Variants in PRMT7 observed in about 807,000 individuals in gnomAD.
PRMT7 encodes protein arginine methyltransferase 7, also known as protein arginine N-methyltransferase 7.
Under a neutral mutation model 85.4 loss-of-function variants are expected in PRMT7, and 75 were observed. The ratio of observed to expected loss-of-function variants is 0.88; its 90% CI spans 0.73 to 1.06. PRMT7 has a LOEUF of 1.06. Ranked by LOEUF, PRMT7 falls within the 50% of genes least tolerant of loss-of-function variation. PRMT7 has a pLI of 0.00. For synonymous variants in PRMT7, 397 were observed against 359.5 expected (o/e 1.10, Z -1.18); for missense variants, 868 against 915.2 (o/e 0.95, Z 0.67).
Position 68,346,248 on chromosome 16 carries a change from A to G in PRMT7, c.1159A>G (p.Arg387Gly), listed in dbSNP as rs762515973. The G allele has an allele frequency of 9.2e-5, 148 of 1,614,150 alleles. No individual in the cohort carries two copies. Among genetic ancestry groups the G allele is most frequent in the Non-Finnish European group, 1.2e-4 (146 of 1,180,058 alleles). Residue 387 changes from arginine (R) to glycine (G), a missense_variant, in exon 11 of 19, where the codon AGA becomes GGA. Physicochemically the swap from Arg to Gly is moderately radical, Grantham distance 125. Transcript: ENST00000441236. ...PRFGEINDQD[R>G]TDRYVQALRT... ...GTTTGGAGAGATCAATGACCAGGAC[A>G]GAACTGATCGATACGTCCAGGCTCT... is the stretch of plus-strand genomic sequence containing the variant.
chr16:68,345,988 G>T (rs1009847201), intron 10 of PRMT7, 157 bp from the exon 11 acceptor site: 4 of 1,331,182 alleles, frequency 3.0e-6, no homozygotes, highest in African/African-American at 2.9e-5. Context: ...GTCATGGGTT[G>T]CTGGAATCTG....
In PRMT7 at chr16:68,342,695, G is replaced by A. The variant is rs184354170; in HGVS notation, c.927+2727G>A. Among the ~76,000 whole-genome samples, 129 of 152,274 alleles carry A rather than the reference G, an allele frequency of 8.5e-4. 1 individual carries two copies. The South Asian group carries it at 0.017, about 21-fold the overall frequency. ...TGCTGTCAATCAGCGTACCCATACC[G>A]ACAGCAGCATGTGAGACTAAGAAGT... On this transcript the variant is annotated intron_variant, in intron 9 of 18. Coordinates refer to ENST00000441236, the MANE Select transcript of PRMT7 (RefSeq NM_019023.5).
At chr16:68,344,141 G>GT (rs1003745124) in intron 9 of PRMT7, among the ~76,000 whole-genome samples, 23 of 152,148 alleles carry the variant, frequency 1.5e-4, no homozygotes, top group Non-Finnish European at 2.6e-4. Flanking sequence ...CTAATCTTGT[G>GT]TTTTTTGTAG....
At chr16:68,325,073 A>G (rs959600016) in intron 5 of PRMT7, among the ~76,000 whole-genome samples, 5 of 152,208 alleles carry the variant, frequency 3.3e-5, no homozygotes, top group African/African-American at 1.2e-4. Flanking sequence ...GAAAATACTT[A>G]CAGGCTGGGC....
chr16:68,341,240 T>C (rs2151757111), intron 9 of PRMT7, among the ~76,000 whole-genome samples: 1 of 152,314 alleles, frequency 6.6e-6, no homozygotes, highest in East Asian at 1.9e-4. Context: ...GTGGGAAAGG[T>C]GTGTCGGAAT....
At chr16:68,356,628 C>G in intron 17 of PRMT7, 73 bp from the exon 18 acceptor site, 1 of 1,188,360 alleles carries the variant, frequency 8.4e-7, no homozygotes, top group Non-Finnish European at 1.2e-6. Context: ...TTCTGGAAAG[C>G]CGCAGGAGCT....
chr16:68,324,542 A>G (rs892130640), intron 4 of PRMT7, 141 bp from the exon 5 acceptor site: 33 of 987,520 alleles, frequency 3.3e-5, no homozygotes, highest in Admixed American at 4.7e-5. Context: ...CAACTCAGCC[A>G]GAGCTGTTCT....
chr16:68,316,902 A>C (rs968461948), intron 3 of PRMT7: 1 of 150,928 alleles, frequency 6.6e-6, no homozygotes, highest in African/African-American at 2.4e-5. Flanking sequence ...TGTGGAAGAG[A>C]CAGGCACATA....
intron 9 of PRMT7, among the ~76,000 whole-genome samples, chr16:68,341,022 TG>T (rs1367798261): frequency 2.0e-5 from 3 of 152,226 alleles, no homozygotes; most frequent in Non-Finnish European, 4.4e-5. Flanking sequence ...TAGTCATGTG[TG>T]GTGTACATAT....
rs570638709 is a variant in PRMT7 at position 68,323,017 on chromosome 16, G to A, written c.132+1555G>A. Among the ~76,000 whole-genome samples the A allele has an allele frequency of 2.6e-5, 4 of 152,068 alleles. No individual in the cohort carries two copies. In the South Asian group the frequency reaches 8.3e-4, roughly 32 times the overall value. On this transcript the variant is annotated intron_variant, in intron 4 of 18. Coordinates refer to ENST00000441236, the MANE Select transcript of PRMT7 (RefSeq NM_019023.5). ...CCACTGCACTCCAGCCTGGGCGACA[G>A]GGAGACTCCGTCTCAAAAAAAAAAA...
chr16:68,352,307 C>G lies in PRMT7; in HGVS notation c.1473C>G (p.Leu491=). The change falls in exon 15 of 19, where the codon CTC becomes CTG. Residue 491 remains leucine (L), a synonymous_variant. Transcript: ENST00000441236. ...CCAGCCTGCTGCCGTGGCACAACCT[C>G]TACTTCTGGTACGTGCGGACCGCTG... ...FTTSLLPWHN[L]YFWYVRTAVD... 6.2e-7 allele frequency: 1 copy of G among 1,613,660 alleles called. No homozygotes were observed. The highest frequency in any genetic ancestry group is 8.5e-7 in the Non-Finnish European group (1 of 1,180,026).
Position 68,312,375 on chromosome 16 carries a change from G to A in PRMT7, c.-84+199G>A, listed in dbSNP as rs1028873017. On this transcript the variant is annotated intron_variant, in intron 2 of 18. Coordinates refer to ENST00000441236, the MANE Select transcript of PRMT7 (RefSeq NM_019023.5). ...GTAGCTGGGAGTAACTGGGACTACA[G>A]GCACAGGCCACCGCGCCCGGCTAAT... Among the ~76,000 whole-genome samples the A allele has an allele frequency of 2.0e-5, 3 of 151,724 alleles. No individual in the cohort carries two copies. The South Asian group carries it at 6.3e-4, about 32-fold the overall frequency.
At chr16:68,317,857 C>T (rs1285970965) in intron 3 of PRMT7, among the ~76,000 whole-genome samples, 1 of 133,200 alleles carries the variant, frequency 7.5e-6, no homozygotes, top group Non-Finnish European at 1.6e-5. Context: ...AAAAAAACCA[C>T]ACACACACAG....
intron 6 of PRMT7, among the ~76,000 whole-genome samples, chr16:68,333,125 T>A (rs543329809): frequency 1.5e-3 from 232 of 152,218 alleles, no homozygotes; most frequent in African/African-American, 5.4e-3. Flanking sequence ...CCTGAGTAGC[T>A]GGGACCACAG....
intron 2 of PRMT7, among the ~76,000 whole-genome samples, chr16:68,313,056 C>T (rs930551913): frequency 1.3e-5 from 2 of 152,168 alleles, no homozygotes; most frequent in African/African-American, 4.8e-5. Flanking sequence ...AACTCCTGAC[C>T]TCAGGTGATC....
Position 68,357,539 on chromosome 16 carries a change from C to T in PRMT7, c.*315C>T, listed in dbSNP as rs2088814574. 7.0e-6 allele frequency: 2 copies of T among 283,724 alleles called. No individual in the cohort carries two copies. The highest frequency in any genetic ancestry group is 1.3e-5 in the Non-Finnish European group (2 of 151,956). The allele number at this position is 283,724 out of a possible 1,614,324, so 17.6% of individuals were successfully genotyped here. On this transcript the variant is annotated 3_prime_UTR_variant, in exon 19 of 19. Transcript: ENST00000441236. The stretch of plus-strand genomic sequence containing the variant: ...TCCCCAGCTGGGAAGGGAGTGGAAG[C>T]ACAGGGAGCTTGTGGGGCTGGCCGG...
chr16:68,326,528 G>A (rs533600518), intron 5 of PRMT7, among the ~76,000 whole-genome samples: 148 of 152,320 alleles, frequency 9.7e-4, no homozygotes, highest in Non-Finnish European at 1.6e-3. Flanking sequence ...TTACAGGTGT[G>A]AATCACTGCG....
At chr16:68,315,816 A>G (rs1360983505) in intron 2 of PRMT7, 81 bp from the exon 3 acceptor site, 7 of 631,766 alleles carry the variant, frequency 1.1e-5, no homozygotes, top group Non-Finnish European at 2.0e-5. Flanking sequence ...CCCCCTCCAC[A>G]TTTTGGGGCA....
intron 3 of PRMT7, among the ~76,000 whole-genome samples, chr16:68,317,951 G>C (rs1429323926): frequency 6.6e-6 from 1 of 152,116 alleles, no homozygotes; most frequent in Admixed American, 6.5e-5. Flanking sequence ...GCTGCCGAAA[G>C]CATACGCGGG....
Sources: allele counts gnomAD v4.1 joint callset (sites outside exome capture counted in the v4.1 genomes callset), GRCh38; gene constraint gnomAD v4.1.1; transcripts MANE v1.5; gene names NCBI Gene and HGNC (gene_info 2026-07-23, HGNC 2026-07-21).